Variants in MAP2K5 observed in about 807,000 individuals in gnomAD.
MAP2K5 encodes the protein mitogen-activated protein kinase kinase 5, also known as dual specificity mitogen-activated protein kinase kinase 5.
A neutral mutation model predicts 83.1 loss-of-function variants in MAP2K5; 49 were observed. The observed-to-expected ratio is 0.59, with a 90% confidence interval of 0.47 to 0.75. MAP2K5 has a LOEUF of 0.75. Among genes scored for constraint, MAP2K5 ranks in the 30% least tolerant of loss-of-function variants. The pLI is 0.00. For synonymous variants in MAP2K5, 202 were observed against 191.8 expected, an observed-to-expected ratio of 1.05 and a Z score of -0.44; for missense variants, 457 against 557.5, an observed-to-expected ratio of 0.82 and a Z score of 1.82.
intron 8 of MAP2K5, among the ~76,000 whole-genome samples, chr15:67,612,526 CTTA>C (rs2085950112): frequency 1.3e-5 from 2 of 152,114 alleles, no homozygotes; most frequent in Non-Finnish European, 2.9e-5. Context: ...CAAATTCCTT[CTTA>C]TTATTGGTTT....
chr15:67,620,420 G>A (rs1454369657), intron 8 of MAP2K5, among the ~76,000 whole-genome samples: 3 of 151,992 alleles, frequency 2.0e-5, no homozygotes, highest in African/African-American at 4.8e-5. Flanking sequence ...ATATACCTGT[G>A]AATTTAAATA....
intron 12 of MAP2K5, 68 bp downstream of exon 12, chr15:67,658,682 T>C: frequency 7.7e-7 from 1 of 1,299,278 alleles, no homozygotes; most frequent in Admixed American, 1.7e-5. Context: ...TCATTCTTCT[T>C]ATATTCTCAA....
At chr15:67,556,697 G>A (rs1244537217) in intron 2 of MAP2K5, among the ~76,000 whole-genome samples, 2 of 151,740 alleles carry the variant, frequency 1.3e-5, no homozygotes, top group African/African-American at 2.4e-5. Flanking sequence ...GATTACAGGT[G>A]CCCACCACCA....
At position 67,768,066 on chromosome 15, in the gene MAP2K5, G is replaced by GT. The variant is rs1370138786; in HGVS notation, c.1135-1530dup. On this transcript the variant is annotated intron_variant, in intron 19 of 21. Coordinates refer to ENST00000178640, the MANE Select transcript of MAP2K5 (RefSeq NM_145160.3). The surrounding 1 kb of genome is among the most constrained non-coding windows in gnomAD (Gnocchi z 4.0). ...GCCTCTTCGGTGTTTTTTGTTGTCT[G>GT]TTTTTTGTTGTTTTTGTTTGTTTTT... 6.6e-6 allele frequency among the ~76,000 whole-genome samples: 1 copy of GT among 151,958 alleles called. No individual in the cohort carries two copies. The highest frequency in any genetic ancestry group is 6.6e-5 in the Admixed American group (1 of 15,262).
At chr15:67,619,087 A>G (rs1175719331) in intron 8 of MAP2K5, among the ~76,000 whole-genome samples, 1 of 152,078 alleles carries the variant, frequency 6.6e-6, no homozygotes, top group Non-Finnish European at 1.5e-5. Context: ...TTCTGCATAC[A>G]TGTCAAGCAC....
rs552736286 is a variant in MAP2K5, at chr15:67,717,331, A to G, written c.1045-10585A>G. 6.6e-6 allele frequency among the ~76,000 whole-genome samples: 1 copy of G among 152,242 alleles called. No homozygotes were observed. Among genetic ancestry groups the G allele is most frequent in the African/African-American group, 2.4e-5 (1 of 41,466 alleles). ...CACAAATATTAACCTAATCTCCAGT[A>G]TGTCTACTGTAATAGGAAGTAGGTA... is the stretch of plus-strand genomic sequence containing the variant. On this transcript the variant is annotated intron_variant, in intron 16 of 21. Transcript: ENST00000178640. The surrounding 1 kb of genome is among the most constrained non-coding windows in gnomAD (Gnocchi z 4.1).
At chr15:67,664,690 T>G (rs766190824) in intron 13 of MAP2K5, 45 bp downstream of exon 13, 13 of 1,295,494 alleles carry the variant, frequency 1.0e-5, no homozygotes, top group Non-Finnish European at 4.5e-6. Flanking sequence ...GGGGTGGGGT[T>G]GGGTCTCTCC....
At chr15:67,623,212 T>G (rs1200908797) in intron 8 of MAP2K5, among the ~76,000 whole-genome samples, 1 of 152,244 alleles carries the variant, frequency 6.6e-6, no homozygotes, top group Non-Finnish European at 1.5e-5. Flanking sequence ...TTCTCATGAT[T>G]GTTTAGTGAC....
intron 20 of MAP2K5, among the ~76,000 whole-genome samples, chr15:67,772,304 T>C (rs1177866577): frequency 2.6e-5 from 4 of 152,102 alleles, no homozygotes; most frequent in Admixed American, 2.6e-4. Flanking sequence ...TACTGTCTTA[T>C]CCCAATTACC....
intron 9 of MAP2K5, among the ~76,000 whole-genome samples, chr15:67,639,366 A>G (rs1194336362): frequency 6.6e-6 from 1 of 152,258 alleles, no homozygotes; most frequent in Non-Finnish European, 1.5e-5. Context: ...GATTTATACA[A>G]TGCTAAGCAT....
intron 2 of MAP2K5, among the ~76,000 whole-genome samples, chr15:67,557,696 A>C (rs994653295): frequency 6.6e-6 from 1 of 152,212 alleles, no homozygotes; most frequent in Non-Finnish European, 1.5e-5. Context: ...TATAGGAAAC[A>C]ACTATAGCTG....
intron 21 of MAP2K5, among the ~76,000 whole-genome samples, chr15:67,787,974 T>A (rs1237257340): frequency 6.6e-6 from 1 of 152,082 alleles, no homozygotes; most frequent in Non-Finnish European, 1.5e-5. Flanking sequence ...TTAATAAAAT[T>A]GGGAAAAAAT....
At chr15:67,620,358 G>A (rs1237905463) in intron 8 of MAP2K5, among the ~76,000 whole-genome samples, 1 of 152,140 alleles carries the variant, frequency 6.6e-6, no homozygotes, top group Non-Finnish European at 1.5e-5. Context: ...GTGACAGAGC[G>A]AGACTCTGTC....
chr15:67,704,156 A>G (rs1160808449), intron 16 of MAP2K5, among the ~76,000 whole-genome samples: 1 of 152,238 alleles, frequency 6.6e-6, no homozygotes, highest in East Asian at 1.9e-4. Flanking sequence ...AGAAGGACAT[A>G]TGGCTCAGTT....
At chr15:67,580,683 A>T in intron 3 of MAP2K5, 71 bp from the exon 4 acceptor site, 2 of 978,666 alleles carry the variant, frequency 2.0e-6, no homozygotes, top group Non-Finnish European at 1.6e-6. Context: ...ACTGTGAATT[A>T]AACAACCCAT....
intron 4 of MAP2K5, among the ~76,000 whole-genome samples, chr15:67,583,189 C>T (rs980480594): frequency 2.6e-5 from 4 of 151,862 alleles, no homozygotes; most frequent in African/African-American, 9.7e-5. Context: ...CTTACTATGC[C>T]CTTTGAGTAA....
At chr15:67,578,589 A>G (rs1338676893) in intron 3 of MAP2K5, among the ~76,000 whole-genome samples, 1 of 152,158 alleles carries the variant, frequency 6.6e-6, no homozygotes, top group Non-Finnish European at 1.5e-5. Flanking sequence ...TACTCGCTTT[A>G]GAGAAACTGT....
At chr15:67,624,917 C>G (rs1455613178) in intron 8 of MAP2K5, among the ~76,000 whole-genome samples, 1 of 152,166 alleles carries the variant, frequency 6.6e-6, no homozygotes, top group Non-Finnish European at 1.5e-5. Context: ...AGGCACGAGC[C>G]ACTGTGCCCA....
rs900459554 is a variant in MAP2K5, at chr15:67,573,729, A to T, written c.253-7025A>T. Among the ~76,000 whole-genome samples, 59 of 152,238 alleles carry T rather than the reference A, an allele frequency of 3.9e-4. No homozygotes were observed. The highest frequency in any genetic ancestry group is 7.3e-5 in the Non-Finnish European group (5 of 68,048). Reference sequence around the variant, plus strand: ...AACAGATTCAGGACTTAACAGACCAAGGAAATGTCCTGATGTCCTGATATC... The same window carrying T: ...AACAGATTCAGGACTTAACAGACCATGGAAATGTCCTGATGTCCTGATATC... On this transcript the variant is annotated intron_variant, in intron 3 of 21. Coordinates refer to ENST00000178640, the MANE Select transcript of MAP2K5 (RefSeq NM_145160.3). The surrounding 1 kb of genome is among the most constrained non-coding windows in gnomAD (Gnocchi z 4.2).
Sources: gnomAD v4.1 joint callset for allele counts (sites outside exome capture counted in the v4.1 genomes callset) on GRCh38, gnomAD v4.1.1 for gene constraint, Gnocchi (gnomAD v3.1) non-coding constraint, MANE v1.5 for transcripts, NCBI Gene and HGNC (gene_info 2026-07-23, HGNC 2026-07-21) for gene names.